MAML2: variants seen among roughly 807,000 people sequenced by gnomAD.
MAML2 encodes mastermind like transcriptional coactivator 2.
In MAML2, 22 loss-of-function variants were observed where a neutral mutation model predicts 96.1. The observed-to-expected ratio is 0.23, with a 90% CI of 0.16 to 0.33. The LOEUF is 0.33. MAML2 is among the 10% of genes least tolerant of loss of function. The probability of loss-of-function intolerance (pLI) is 1.00; values close to 1 mark genes in which losing one functional copy is unlikely to be tolerated. For synonymous variants in MAML2, 561 were observed against 521.3 expected (o/e 1.08, Z -1.04); for missense variants, 1,367 against 1,392.4 (o/e 0.98, Z 0.29).
chr11:96,082,091 C>T (rs1187651869), intron 2 of MAML2, among the ~76,000 whole-genome samples: 5 of 152,050 alleles, frequency 3.3e-5, no homozygotes, highest in Non-Finnish European at 7.4e-5. Context: ...ACTGTGTTTG[C>T]CCTTGGTGGT....
chr11:96,263,739 G>C (rs530055381), intron 1 of MAML2, among the ~76,000 whole-genome samples: 7 of 152,344 alleles, frequency 4.6e-5, no homozygotes, highest in Middle Eastern at 3.4e-3. Flanking sequence ...GGTATGGAGG[G>C]GGGCTGGTGG....
intron 2 of MAML2, among the ~76,000 whole-genome samples, chr11:96,033,173 T>C (rs1246583846): frequency 6.6e-6 from 1 of 152,242 alleles, no homozygotes; most frequent in Admixed American, 6.5e-5. Context: ...CCTCCTAAGA[T>C]GACTGCTGTT....
intron 2 of MAML2, among the ~76,000 whole-genome samples, chr11:96,017,664 G>A (rs183165998): frequency 2.0e-5 from 3 of 152,268 alleles, no homozygotes; most frequent in Admixed American, 2.0e-4. Context: ...AAGACTTCTA[G>A]GATAAGATGA....
At chr11:96,162,716 A>G (rs1861130893) in intron 1 of MAML2, among the ~76,000 whole-genome samples, 2 of 142,704 alleles carry the variant, frequency 1.4e-5, no homozygotes, top group South Asian at 4.6e-4. Flanking sequence ...CGTCTCAAAA[A>G]AAGAAAAAAA....
Position 96,093,253 on chromosome 11 carries a change from T to G in MAML2, c.778A>C (p.Met260Leu), listed in dbSNP as rs373471964. The change falls in exon 2 of 5, where the codon ATG (methionine) becomes CTG (leucine). Residue 260 changes from methionine to leucine, a missense_variant. By Grantham distance (15) the Met-to-Leu change is conservative. Coordinates refer to ENST00000524717, the MANE Select transcript of MAML2 (RefSeq NM_032427.4). ...TCCTTCTTTACCTCCTTTAAGCCCA[T>G]GTTAAACAGGCCATTGCCAGGAGAA... ...THSPGNGLFN[M>L]GLKEVKKEPG... 1.9e-6 allele frequency: 3 copies of G among 1,613,912 alleles called. No individual in the cohort carries two copies. Among genetic ancestry groups the G allele is most frequent in the East Asian group, 2.2e-5 (1 of 44,892 alleles).
At chr11:96,285,127 T>C (rs1316628504) in intron 1 of MAML2, among the ~76,000 whole-genome samples, 1 of 152,172 alleles carries the variant, frequency 6.6e-6, no homozygotes, top group Non-Finnish European at 1.5e-5. Flanking sequence ...ATTCAAACCA[T>C]GAAAACCAAC....
intron 1 of MAML2, among the ~76,000 whole-genome samples, chr11:96,319,081 C>G (rs887158608): frequency 1.6e-4 from 24 of 152,222 alleles, no homozygotes; most frequent in African/African-American, 5.8e-4. Flanking sequence ...ATACTGATCT[C>G]TCTCTTGGAT....
chr11:96,036,554 C>T (rs760489176), intron 2 of MAML2, among the ~76,000 whole-genome samples: 7 of 152,020 alleles, frequency 4.6e-5, no homozygotes, highest in Non-Finnish European at 8.8e-5. Flanking sequence ...TAGGAGCTCA[C>T]GATAGGATGG....
intron 1 of MAML2, among the ~76,000 whole-genome samples, chr11:96,188,701 T>C (rs1210299877): frequency 6.6e-6 from 1 of 151,962 alleles, no homozygotes; most frequent in Non-Finnish European, 1.5e-5. Flanking sequence ...TGAGCTGCTG[T>C]AAGATTCAGG....
intron 2 of MAML2, among the ~76,000 whole-genome samples, chr11:96,055,685 G>T (rs2135772492): frequency 6.6e-6 from 1 of 152,272 alleles, no homozygotes. Context: ...GAGAGAGAGG[G>T]AGAGACAGAG....
At chr11:96,017,975 C>G (rs1858381860) in intron 2 of MAML2, among the ~76,000 whole-genome samples, 1 of 152,152 alleles carries the variant, frequency 6.6e-6, no homozygotes, top group Non-Finnish European at 1.5e-5. Flanking sequence ...ATCACTCTGT[C>G]AGCTATGTGG....
intron 4 of MAML2, among the ~76,000 whole-genome samples, chr11:95,982,180 T>C (rs904781852): frequency 6.6e-6 from 1 of 152,208 alleles, no homozygotes; most frequent in South Asian, 2.1e-4. Context: ...AGAATAATGA[T>C]TCTGACCCAC....
At chr11:96,028,855 C>G (rs914842652) in intron 2 of MAML2, among the ~76,000 whole-genome samples, 2 of 152,102 alleles carry the variant, frequency 1.3e-5, no homozygotes, top group Non-Finnish European at 2.9e-5. Flanking sequence ...TTTTCCAGGT[C>G]TTATCAATAG....
At chr11:96,015,595 G>A (rs1483689022) in intron 2 of MAML2, among the ~76,000 whole-genome samples, 1 of 112,416 alleles carries the variant, frequency 8.9e-6, no homozygotes, top group South Asian at 3.4e-4. Context: ...GGGGGGGGGG[G>A]CAATTCATGA....
At chr11:96,095,759 G>A (rs1237054507) in intron 1 of MAML2, among the ~76,000 whole-genome samples, 1 of 152,148 alleles carries the variant, frequency 6.6e-6, no homozygotes, top group Non-Finnish European at 1.5e-5. Context: ...TACAAATTGG[G>A]CATCTGTTAC....
chr11:96,066,593 T>C (rs1053147291), intron 2 of MAML2, among the ~76,000 whole-genome samples: 7 of 152,224 alleles, frequency 4.6e-5, no homozygotes, highest in Non-Finnish European at 1.0e-4. Flanking sequence ...CCAGAGTCCA[T>C]TGAATCCCAT....
At chr11:96,108,834 A>AAG (rs1860071097) in intron 1 of MAML2, among the ~76,000 whole-genome samples, 1 of 152,058 alleles carries the variant, frequency 6.6e-6, no homozygotes, top group Non-Finnish European at 1.5e-5. Flanking sequence ...GGAGTTCGAG[A>AAG]CCAGCCTGGG....
At chr11:96,228,104 C>T (rs1268045681) in intron 1 of MAML2, among the ~76,000 whole-genome samples, 1 of 152,156 alleles carries the variant, frequency 6.6e-6, no homozygotes, top group African/African-American at 2.4e-5. Context: ...ACACTACAAA[C>T]TCAATTCTCT....
chr11:95,980,071 AT>A, intron 4 of MAML2, 108 bp from the exon 5 acceptor site: 1 of 804,936 alleles, frequency 1.2e-6, no homozygotes, highest in Non-Finnish European at 2.0e-6. Context: ...GTGTAAGACA[AT>A]TTAGGCGAAA....
Sources: gnomAD v4.1 joint callset for allele counts (sites outside exome capture counted in the v4.1 genomes callset) on GRCh38, gnomAD v4.1.1 for gene constraint, MANE v1.5 for transcripts, NCBI Gene and HGNC (gene_info 2026-07-23, HGNC 2026-07-21) for gene names.